USP15: variants seen among roughly 807,000 people sequenced by gnomAD.
The protein encoded by USP15 is ubiquitin specific peptidase 15, also known as ubiquitin carboxyl-terminal hydrolase 15.
Under a neutral mutation model 127.1 loss-of-function variants are expected in USP15, and 18 were observed. The observed-to-expected ratio is 0.14, with a 90% CI of 0.10 to 0.21. USP15 has a LOEUF of 0.21. Among genes scored for constraint, USP15 ranks in the 10% least tolerant of loss-of-function variants. The probability of loss-of-function intolerance (pLI) is 1.00; values close to 1 mark genes in which losing one functional copy is unlikely to be tolerated. For missense variants in USP15, 805 were observed against 1,159.9 expected, an observed-to-expected ratio of 0.69 and a Z score of 4.44; for synonymous variants, 364 against 393.7, an observed-to-expected ratio of 0.92 and a Z score of 0.89.
rs919015298 is a variant in USP15, at chr12:62,408,401, A to G, written c.*4026A>G. ...AGCTCACCGCTTTAATTTTTAAGAT[A>G]GAAATGTGGAAAACTCTTGAATCAT... On this transcript the variant is annotated 3_prime_UTR_variant, in exon 22 of 22. Coordinates refer to ENST00000280377, the MANE Select transcript of USP15 (RefSeq NM_001252078.2). 1 of 152,116 alleles carries G rather than the reference A, an allele frequency of 6.6e-6. No individual in the cohort carries two copies. The highest frequency in any genetic ancestry group is 1.5e-5 in the Non-Finnish European group (1 of 68,014). 9.4% of individuals were successfully genotyped at this position (152,116 alleles called of 1,614,324 possible).
intron 18 of USP15, 55 bp downstream of exon 18, chr12:62,392,442 A>G (rs2067354208): frequency 7.8e-7 from 1 of 1,281,238 alleles, no homozygotes; most frequent in Non-Finnish European, 1.1e-6. Flanking sequence ...TTATTCTGAG[A>G]TATGTGCCAC....
chr12:62,271,442 T>C (rs2063342961), intron 1 of USP15, among the ~76,000 whole-genome samples: 1 of 152,014 alleles, frequency 6.6e-6, no homozygotes, highest in Non-Finnish European at 1.5e-5. Flanking sequence ...ATATAGATGC[T>C]CGTTATTATT....
At chr12:62,391,508 T>C in intron 16 of USP15, 79 bp downstream of exon 16, 2 of 1,529,064 alleles carry the variant, frequency 1.3e-6, no homozygotes, top group South Asian at 2.5e-5. Flanking sequence ...ACCATGAAAT[T>C]CAGCTCTGTC....
intron 3 of USP15, among the ~76,000 whole-genome samples, chr12:62,310,841 A>G (rs1204148370): frequency 6.6e-6 from 1 of 151,958 alleles, no homozygotes; most frequent in Non-Finnish European, 1.5e-5. Context: ...TTACATTCCC[A>G]TCAACAGTGT....
chr12:62,397,586 C>T (rs1023501616), intron 20 of USP15, among the ~76,000 whole-genome samples: 1 of 151,722 alleles, frequency 6.6e-6, no homozygotes, highest in African/African-American at 2.4e-5. Context: ...TGGCCAGGCA[C>T]AGTGGCTCAC....
intron 2 of USP15, among the ~76,000 whole-genome samples, chr12:62,297,868 TA>T (rs953662795): frequency 1.3e-5 from 2 of 152,132 alleles, no homozygotes; most frequent in African/African-American, 4.8e-5. Context: ...GAATTCAAAA[TA>T]ATTGTCTTAT....
rs182736218 is a variant in USP15, at chr12:62,320,658, A to G, written c.476-806A>G. On this transcript the variant is annotated intron_variant, in intron 4 of 21. Coordinates refer to ENST00000280377, the MANE Select transcript of USP15 (RefSeq NM_001252078.2). ...ACCTTACTGACTACAAGACTATTAC[A>G]AAACATTAGCTGCTAAGTAGATAGT... is the stretch of plus-strand genomic sequence containing the variant. 1.1e-3 allele frequency among the ~76,000 whole-genome samples: 174 copies of G among 152,308 alleles called. No homozygotes were observed. In the South Asian group the frequency reaches 0.016, roughly 14 times the overall value.
intron 11 of USP15, among the ~76,000 whole-genome samples, chr12:62,384,697 T>C (rs574224401): frequency 6.6e-5 from 10 of 151,928 alleles, no homozygotes; most frequent in Admixed American, 5.2e-4. Context: ...TAATTCATAG[T>C]GTGATAGTAG....
chr12:62,305,227 T>C (rs2137208550), intron 3 of USP15, among the ~76,000 whole-genome samples: 1 of 151,980 alleles, frequency 6.6e-6, no homozygotes, highest in South Asian at 2.1e-4. Context: ...AATCCCAAAC[T>C]GAAATAATAC....
chr12:62,311,518 G>A (rs1432331676), intron 3 of USP15, among the ~76,000 whole-genome samples: 5 of 151,704 alleles, frequency 3.3e-5, no homozygotes, highest in African/African-American at 1.2e-4. Context: ...TAAATGAATG[G>A]GGGTTGTTGT....
At chr12:62,350,376 G>A (rs1367388261) in intron 7 of USP15, among the ~76,000 whole-genome samples, 1 of 152,076 alleles carries the variant, frequency 6.6e-6, no homozygotes, top group Non-Finnish European at 1.5e-5. Flanking sequence ...AGGCATTGTA[G>A]ACTAATACGA....
At chr12:62,288,900 T>G (rs1022859517) in intron 1 of USP15, among the ~76,000 whole-genome samples, 1 of 152,220 alleles carries the variant, frequency 6.6e-6, no homozygotes, top group Non-Finnish European at 1.5e-5. Flanking sequence ...TTTATTGATT[T>G]GCATATGTTG....
At chr12:62,285,302 A>G (rs558968165) in intron 1 of USP15, among the ~76,000 whole-genome samples, 4 of 152,184 alleles carry the variant, frequency 2.6e-5, no homozygotes, top group Non-Finnish European at 4.4e-5. Context: ...CTCTATGTGT[A>G]TACATGATTT....
chr12:62,293,652 G>A (rs780105840), intron 1 of USP15, among the ~76,000 whole-genome samples: 10 of 152,104 alleles, frequency 6.6e-5, no homozygotes, highest in Non-Finnish European at 8.8e-5. Context: ...CACTGCGCCC[G>A]GCTGTAATTT....
chr12:62,296,592 G>T (rs1483518471), intron 2 of USP15, among the ~76,000 whole-genome samples: 1 of 152,084 alleles, frequency 6.6e-6, no homozygotes, highest in Non-Finnish European at 1.5e-5. Flanking sequence ...ATGTCAGCAG[G>T]ATGATAGAAT....
chr12:62,294,442 C>G (rs1011413089), intron 2 of USP15, 136 bp downstream of exon 2: 1 of 893,406 alleles, frequency 1.1e-6, no homozygotes, highest in Non-Finnish European at 1.6e-6. Context: ...CTAATGAACT[C>G]ATTATTCTAA....
chr12:62,295,116 CAG>C (rs764441521), intron 2 of USP15, among the ~76,000 whole-genome samples: 1 of 151,846 alleles, frequency 6.6e-6, no homozygotes, highest in Non-Finnish European at 1.5e-5. Context: ...GTGAGTAGCT[CAG>C]AGAGAGAGAG....
intron 1 of USP15, 39 bp from the exon 2 acceptor site, chr12:62,294,140 T>C: frequency 6.2e-7 from 1 of 1,602,118 alleles, no homozygotes; most frequent in Non-Finnish European, 8.5e-7. Context: ...TTCCTGTATT[T>C]TCAGGTATTT....
chr12:62,411,430 A>G lies in USP15; in HGVS notation c.*7055A>G, dbSNP rs967925217. 6.6e-6 allele frequency: 1 copy of G among 152,216 alleles called. No homozygotes were observed. The highest frequency in any genetic ancestry group is 2.4e-5 in the African/African-American group (1 of 41,464). 9.4% of individuals were successfully genotyped at this position (152,216 alleles called of 1,614,324 possible). ...AGGCACTATTCTAGATTCAAGATAT[A>G]AAGTAATATACAAAAACAAAATCCA... On this transcript the variant is annotated 3_prime_UTR_variant, in exon 22 of 22. Transcript: ENST00000280377.
Sources: gnomAD v4.1 joint callset for allele counts (sites outside exome capture counted in the v4.1 genomes callset) on GRCh38, gnomAD v4.1.1 for gene constraint, MANE v1.5 for transcripts, NCBI Gene and HGNC (gene_info 2026-07-23, HGNC 2026-07-21) for gene names.